The following KDM4C variants were observed in gnomAD, a reference collection of about 807,000 sequenced individuals.
The protein encoded by KDM4C is lysine-specific demethylase 4C.
KDM4C carries 81 observed loss-of-function variants against 129.3 expected under a neutral mutation model. That is an observed-to-expected ratio of 0.63 (90% confidence interval 0.52 to 0.75). The LOEUF is 0.75. Ranked by LOEUF, KDM4C falls within the 30% of genes least tolerant of loss-of-function variation. The probability of loss-of-function intolerance (pLI) is 0.00; values close to 1 mark genes in which losing one functional copy is unlikely to be tolerated. For missense variants in KDM4C, 1,457 were observed against 1,304.0 expected (o/e 1.12, Z -1.81); for synonymous variants, 573 against 456.1 (o/e 1.26, Z -3.26).
chr9:6,914,133 C>T (rs918319606), intron 8 of KDM4C, among the ~76,000 whole-genome samples: 1 of 152,194 alleles, frequency 6.6e-6, no homozygotes, highest in African/African-American at 2.4e-5. Flanking sequence ...AATCTCGGCT[C>T]ACCGCAACCT....
At chr9:6,857,780 G>A (rs988667233) in intron 5 of KDM4C, among the ~76,000 whole-genome samples, 2 of 149,292 alleles carry the variant, frequency 1.3e-5, no homozygotes, top group Non-Finnish European at 3.0e-5. Flanking sequence ...TTTAAGACAG[G>A]GTCTCGCTCT....
chr9:6,908,955 T>C (rs546690880), intron 8 of KDM4C, among the ~76,000 whole-genome samples: 3 of 152,368 alleles, frequency 2.0e-5, no homozygotes, highest in Admixed American at 6.5e-5. Flanking sequence ...GAGGTATTGA[T>C]ATTTATTAAC....
At position 6,791,939 on chromosome 9, in the gene KDM4C, T is replaced by C. The variant is rs575120705; in HGVS notation, c.-17-1033T>C. Among the ~76,000 whole-genome samples the C allele has an allele frequency of 3.9e-5, 6 of 152,304 alleles. No individual in the cohort carries two copies. In the East Asian group the frequency reaches 1.2e-3, roughly 29 times the overall value. ...CGGAAGGCTGAGGCAGGAGAATCAC[T>C]GGAACCCGGGAGGTCGAGGCTGTGG... On this transcript the variant is annotated intron_variant, in intron 1 of 21. Transcript: ENST00000381309.
At chr9:7,011,573 C>A (rs1032763974) in intron 12 of KDM4C, 125 bp from the exon 13 acceptor site, 42 of 807,638 alleles carry the variant, frequency 5.2e-5, no homozygotes, top group Non-Finnish European at 7.3e-5. Flanking sequence ...ATTTGAAAGA[C>A]AAAGTAGGTT....
intron 17 of KDM4C, among the ~76,000 whole-genome samples, chr9:7,058,274 A>AG (rs35467338): frequency 0.77 from 117,743 of 152,062 alleles, 45,779 homozygotes; most frequent in African/African-American, 0.82. Context: ...ACTGTTTCCA[A>AG]CCCTTTTCAG....
In KDM4C at chr9:6,758,000, G is replaced by A. The variant is rs1818570119; in HGVS notation, c.-221G>A. 2.0e-6 allele frequency: 2 copies of A among 985,388 alleles called. No individual in the cohort carries two copies. The highest frequency in any genetic ancestry group is 4.7e-5 in the South Asian group (1 of 21,292). The allele number at this position is 985,388 out of a possible 1,614,324, so 61.0% of individuals were successfully genotyped here. ...AGCCGGCGGTGCGCGCGCCTTCGCC[G>A]CTGCCTCCCACCCACCCCCTCGACG... is the stretch of plus-strand genomic sequence containing the variant. On this transcript the variant is annotated 5_prime_UTR_variant, in exon 1 of 22. Transcript: ENST00000381309.
chr9:6,731,340 T>TTTG (rs1817328601), intron 1 of KDM4C, among the ~76,000 whole-genome samples: 1 of 139,194 alleles, frequency 7.2e-6, no homozygotes, highest in African/African-American at 2.8e-5. Context: ...TTTTTTTTTT[T>TTTG]TTTGAGACTG....
chr9:6,837,336 C>G (rs78059833), intron 4 of KDM4C, among the ~76,000 whole-genome samples: 4 of 152,176 alleles, frequency 2.6e-5, no homozygotes, highest in Non-Finnish European at 5.9e-5. Context: ...CGATTACAGG[C>G]GTGTGCTACT....
At chr9:6,955,951 G>C (rs1194198125) in intron 8 of KDM4C, among the ~76,000 whole-genome samples, 2 of 152,224 alleles carry the variant, frequency 1.3e-5, no homozygotes, top group Non-Finnish European at 2.9e-5. Flanking sequence ...CAACAGAACT[G>C]TGCCACCTCT....
At chr9:7,106,522 A>T (rs943620792) in intron 18 of KDM4C, among the ~76,000 whole-genome samples, 3 of 152,318 alleles carry the variant, frequency 2.0e-5, no homozygotes, top group African/African-American at 7.2e-5. Context: ...TGTTGCTTCA[A>T]TAGAGTCTCC....
intron 6 of KDM4C, among the ~76,000 whole-genome samples, chr9:6,884,130 C>T (rs1322561172): frequency 6.6e-6 from 1 of 152,136 alleles, no homozygotes; most frequent in African/African-American, 2.4e-5. Context: ...GGCACTCCTC[C>T]TGGAGCGCTC....
At chr9:6,922,518 T>C (rs1467920231) in intron 8 of KDM4C, among the ~76,000 whole-genome samples, 1 of 152,182 alleles carries the variant, frequency 6.6e-6, no homozygotes, top group African/African-American at 2.4e-5. Flanking sequence ...AGGCTGAGGT[T>C]GGAGGATTGC....
At chr9:6,943,477 G>A (rs1826328134) in intron 8 of KDM4C, among the ~76,000 whole-genome samples, 1 of 152,140 alleles carries the variant, frequency 6.6e-6, no homozygotes, top group African/African-American at 2.4e-5. Flanking sequence ...AGGACGCCTA[G>A]TGGGGAGGAT....
At chr9:7,068,040 C>G (rs1175421892) in intron 17 of KDM4C, among the ~76,000 whole-genome samples, 1 of 152,176 alleles carries the variant, frequency 6.6e-6, no homozygotes, top group Non-Finnish European at 1.5e-5. Flanking sequence ...TCGTGATCCA[C>G]CCGCCTCGGC....
intron 5 of KDM4C, among the ~76,000 whole-genome samples, chr9:6,864,277 A>G (rs775870420): frequency 3.9e-5 from 6 of 152,136 alleles, no homozygotes; most frequent in Non-Finnish European, 8.8e-5. Flanking sequence ...TGGTTTCAGT[A>G]TTCTTGGATG....
In KDM4C at chr9:6,764,658, T is replaced by G. The variant is rs561012983; in HGVS notation, c.-18+6455T>G. On this transcript the variant is annotated intron_variant, in intron 1 of 21. Transcript: ENST00000381309. The stretch of plus-strand genomic sequence containing the variant: ...ACACATGGTATTTCAGCTACTATGG[T>G]ATTTATGAACTGCTACTGCATAAAG... Among the ~76,000 whole-genome samples the G allele has an allele frequency of 6.6e-5, 10 of 152,346 alleles. No homozygotes were observed. In the East Asian group the frequency reaches 1.9e-3, roughly 29 times the overall value.
chr9:6,752,434 G>A (rs1376287801), intron 1 of KDM4C, among the ~76,000 whole-genome samples: 1 of 144,128 alleles, frequency 6.9e-6, no homozygotes, highest in Non-Finnish European at 1.5e-5. Context: ...TTTTCCGGTG[G>A]AGTTTCGCTC....
chr9:7,030,988 A>T (rs760659662), intron 15 of KDM4C, among the ~76,000 whole-genome samples: 11 of 152,256 alleles, frequency 7.2e-5, no homozygotes, highest in Admixed American at 3.3e-4. Context: ...AATCATAAAG[A>T]AAGTTGTATT....
rs533713989 is a variant in KDM4C at position 6,972,119 on chromosome 9, C to T, written c.922-8806C>T. ...AAATAACAATGGGTACGAAATAAAA[C>T]ACCTTTGGTTTAAGATAAATATAGA... On this transcript the variant is annotated intron_variant, in intron 8 of 21. Transcript: ENST00000381309. 2.6e-5 allele frequency among the ~76,000 whole-genome samples: 4 copies of T among 152,142 alleles called. No individual in the cohort carries two copies. The East Asian group carries it at 5.8e-4, about 22-fold the overall frequency.
Sources: gnomAD v4.1 joint callset for allele counts (sites outside exome capture counted in the v4.1 genomes callset) on GRCh38, gnomAD v4.1.1 for gene constraint, MANE v1.5 for transcripts, NCBI Gene and HGNC (gene_info 2026-07-23, HGNC 2026-07-21) for gene names.